The following SPACA9 variants were observed in gnomAD, a reference collection of about 807,000 sequenced individuals.
SPACA9 encodes sperm acrosome associated 9.
Under a neutral mutation model 12.5 loss-of-function variants are expected in SPACA9, and 14 were observed. The ratio of observed to expected loss-of-function variants is 1.12; its 90% CI spans 0.74 to 1.75. The LOEUF (loss-of-function observed/expected upper bound fraction) is 1.75, where lower values mean the gene tolerates loss of function less well. Ranked by LOEUF, SPACA9 falls within the 40% of genes most tolerant of loss-of-function variation. SPACA9 has a pLI of 0.00. For synonymous variants in SPACA9, 111 were observed against 114.1 expected (o/e 0.97, Z 0.17); for missense variants, 292 against 291.9 (o/e 1.00, Z 0.00).
Position 132,887,649 on chromosome 9 carries a change from C to T in SPACA9, c.347+78C>T, listed in dbSNP as rs928479131. The T allele has an allele frequency of 1.5e-6, 2 of 1,310,650 alleles. No homozygotes were observed. The highest frequency in any genetic ancestry group is 2.2e-6 in the Non-Finnish European group (2 of 917,142). The allele number at this position is 1,310,650 out of a possible 1,614,324, so 81.2% of individuals were successfully genotyped here. A position where few individuals can be genotyped will look rare whatever the true frequency, so the allele number is the denominator to read the frequency against. On this transcript the variant is annotated intron_variant, in intron 3 of 3. Transcript: ENST00000356311. The surrounding 1 kb of genome is among the most constrained non-coding windows in gnomAD (Gnocchi z 5.4). ...CTCTGTCCTGCTTCTTTCCTGTTGCCTGGATCATGGTGCTCCTATTAGACC... is the reference window on the plus strand; with the variant it reads ...CTCTGTCCTGCTTCTTTCCTGTTGCTTGGATCATGGTGCTCCTATTAGACC...
chr9:132,879,793 G>T lies in SPACA9; in HGVS notation c.-38+779G>T, dbSNP rs569419838. On this transcript the variant is annotated intron_variant, in intron 1 of 3. Coordinates refer to ENST00000356311, the MANE Select transcript of SPACA9 (RefSeq NM_001316897.2). ...CTAATCCAAACTCTCTCATTTGACA[G>T]ATGGATAAACTGAGGCCCAGAAAAG... 4.2e-4 allele frequency among the ~76,000 whole-genome samples: 64 copies of T among 152,360 alleles called. 1 individual carries two copies. The Middle Eastern group carries it at 0.01, about 24-fold the overall frequency.
chr9:132,884,152 G>T, intron 2 of SPACA9, 61 bp downstream of exon 2: 1 of 1,573,846 alleles, frequency 6.4e-7, no homozygotes, highest in Non-Finnish European at 8.7e-7. Context: ...TCTCACAAAA[G>T]ATGAAACCAC....
intron 1 of SPACA9, among the ~76,000 whole-genome samples, chr9:132,882,499 G>A (rs368908660): frequency 7.3e-6 from 1 of 136,136 alleles, no homozygotes; most frequent in Non-Finnish European, 1.5e-5. Context: ...GTCTCCCTGT[G>A]TCCTAGGCTG....
At chr9:132,886,017 C>A (rs541074946) in intron 2 of SPACA9, among the ~76,000 whole-genome samples, 1 of 152,356 alleles carries the variant, frequency 6.6e-6, no homozygotes, top group African/African-American at 2.4e-5. Flanking sequence ...AGCCTCTCCC[C>A]CTTACGAAGC....
upstream of SPACA9, chr9:132,878,620 C>T (rs1844270290): frequency 1.9e-6 from 2 of 1,064,132 alleles, no homozygotes; most frequent in Middle Eastern, 4.2e-4. The surrounding 1 kb of genome is among the most constrained non-coding windows in gnomAD (Gnocchi z 4.7). Flanking sequence ...CAGTGCTCCC[C>T]GGCCCGGCTC....
At chr9:132,878,434 C>T (rs1359877763), upstream of SPACA9, 2 of 1,230,814 alleles carry the variant, frequency 1.6e-6, no homozygotes, top group South Asian at 4.2e-5. This position sits in a 1 kb window ranked among gnomAD's most constrained non-coding sequence, Gnocchi z 4.7. Context: ...CTCTGCGGCT[C>T]GGGCAAGTTC....
chr9:132,887,888 AGCC>A lies in SPACA9; in HGVS notation c.347+321_347+323del, dbSNP rs1844614345. On this transcript the variant is annotated intron_variant, in intron 3 of 3. Transcript: ENST00000356311. This position sits in a 1 kb window ranked among gnomAD's most constrained non-coding sequence, Gnocchi z 5.4. Reference sequence around the variant, plus strand: ...TGACATGCAAAGAAGTGGACACCAGAGCCGCCTCCCAGGGGCAGCAGCACTGGC... The same window carrying A: ...TGACATGCAAAGAAGTGGACACCAGAGCCTCCCAGGGGCAGCAGCACTGGC... Among the ~76,000 whole-genome samples the A allele has an allele frequency of 1.3e-5, 2 of 152,064 alleles. No individual in the cohort carries two copies. Among genetic ancestry groups the A allele is most frequent in the Admixed American group, 1.3e-4 (2 of 15,276 alleles).
rs1261316448 is a variant in SPACA9, at chr9:132,888,583, C to T, written c.641C>T (p.Pro214Leu). The T allele has an allele frequency of 6.5e-7, 1 of 1,539,630 alleles. No homozygotes were observed. Among genetic ancestry groups the T allele is most frequent in the South Asian group, 1.2e-5 (1 of 83,354 alleles). ...SLKPRGCSKP[P>L]WRPPGGKL Reference sequence around the variant, plus strand: ...AAACCCAGGGGATGTTCAAAACCACCCTGGAGGCCTCCTGGTGGGAAATTG... The same window carrying T: ...AAACCCAGGGGATGTTCAAAACCACTCTGGAGGCCTCCTGGTGGGAAATTG... The change falls in exon 4 of 4, where the codon CCC becomes CTC. Residue 214 changes from proline (P) to leucine (L), a missense_variant. By Grantham distance (98) the Pro-to-Leu change is moderately conservative. Transcript: ENST00000356311. The surrounding 1 kb of genome is among the most constrained non-coding windows in gnomAD (Gnocchi z 5.0).
rs555310723 is a variant in SPACA9 at position 132,887,259 on chromosome 9, G to A, written c.145-110G>A. The stretch of plus-strand genomic sequence containing the variant: ...AGCGTTACTTGCGTCTCCCCCATGA[G>A]TCATGTAGGGTGGGAGGGAGTAGGG... On this transcript the variant is annotated intron_variant, in intron 2 of 3. Transcript: ENST00000356311. The surrounding 1 kb of genome is among the most constrained non-coding windows in gnomAD (Gnocchi z 5.4). 4.5e-4 allele frequency: 401 copies of A among 896,060 alleles called. 3 individuals are homozygous for A. In the East Asian group the frequency reaches 5.1e-3, roughly 11 times the overall value. 55.5% of individuals were successfully genotyped at this position (896,060 alleles called of 1,614,324 possible).
rs1321385154 is a variant in SPACA9, at chr9:132,888,410, G to T, written c.468G>T (p.Glu156Asp). ...TGAAAGAATGGATCGCCCACTCCGA[G>T]AAGTTGCCGCGCAAGGTGCTGCAGC... The part of the protein sequence containing the change: ...DLMKEWIAHS[E>D]KLPRKVLQHV... Residue 156 changes from glutamate to aspartate, a missense_variant, in exon 4 of 4, where the codon GAG becomes GAT. Physicochemically the swap from Glu to Asp is conservative, Grantham distance 45. Transcript: ENST00000356311. The surrounding 1 kb of genome is among the most constrained non-coding windows in gnomAD (Gnocchi z 5.0). 5 of 1,613,878 alleles carry T rather than the reference G, an allele frequency of 3.1e-6. No homozygotes were observed. In the African/African-American group the frequency reaches 6.7e-5, roughly 22 times the overall value.
intron 1 of SPACA9, among the ~76,000 whole-genome samples, chr9:132,883,072 A>G (rs1844469359): frequency 1.3e-5 from 2 of 152,154 alleles, no homozygotes; most frequent in South Asian, 4.1e-4. Context: ...ACACACCCAC[A>G]GACTTTTCTG....
At chr9:132,879,214 C>T (rs1334926784) in intron 1 of SPACA9, among the ~76,000 whole-genome samples, 200 bp downstream of exon 1, 2 of 152,180 alleles carry the variant, frequency 1.3e-5, no homozygotes, top group South Asian at 2.1e-4. Flanking sequence ...CCCAGTGGTA[C>T]GGGGCAGCTT....
chr9:132,886,230 C>T (rs933869640), intron 2 of SPACA9, among the ~76,000 whole-genome samples: 1 of 152,238 alleles, frequency 6.6e-6, no homozygotes, highest in Admixed American at 6.5e-5. Flanking sequence ...GTCTGTTCAT[C>T]TGGCCTGGAC....
At chr9:132,878,390 G>C, upstream of SPACA9, 1 of 1,244,268 alleles carries the variant, frequency 8.0e-7, no homozygotes, top group South Asian at 3.9e-5. The surrounding 1 kb of genome is among the most constrained non-coding windows in gnomAD (Gnocchi z 4.7). Context: ...CGGTCGCGCG[G>C]GTCGCCCCCG....
chr9:132,888,278 G>A lies in SPACA9; in HGVS notation c.348-12G>A, dbSNP rs762635545. 4 of 1,588,470 alleles carry A rather than the reference G, an allele frequency of 2.5e-6. No homozygotes were observed. The Admixed American group carries it at 6.9e-5, about 27-fold the overall frequency. On this transcript the variant is annotated splice_polypyrimidine_tract_variant and intron_variant, in intron 3 of 3. Transcript: ENST00000356311. This position sits in a 1 kb window ranked among gnomAD's most constrained non-coding sequence, Gnocchi z 5.0. Reference sequence around the variant, plus strand: ...GGAGCATGGGTTCACCTGGCCCCCTGCCGTCCTGCAGATACCCTCATGATG... The same window carrying A: ...GGAGCATGGGTTCACCTGGCCCCCTACCGTCCTGCAGATACCCTCATGATG...
rs1844593750 is a variant in SPACA9, at chr9:132,887,294, C to G, written c.145-75C>G. 2 of 1,363,352 alleles carry G rather than the reference C, an allele frequency of 1.5e-6. No homozygotes were observed. The highest frequency in any genetic ancestry group is 1.7e-5 in the Admixed American group (1 of 59,160). The allele number at this position is 1,363,352 out of a possible 1,614,324, so 84.5% of individuals were successfully genotyped here. A position where few individuals can be genotyped will look rare whatever the true frequency, so the allele number is the denominator to read the frequency against. On this transcript the variant is annotated intron_variant, in intron 2 of 3. Coordinates refer to ENST00000356311, the MANE Select transcript of SPACA9 (RefSeq NM_001316897.2). The surrounding 1 kb of genome is among the most constrained non-coding windows in gnomAD (Gnocchi z 5.4). The stretch of plus-strand genomic sequence containing the variant: ...GTGGGAGGGAGTAGGGTGGGTGCTT[C>G]TGGACATTTGCACCATAAGCCAGCC...
chr9:132,880,188 T>C (rs965170861), intron 1 of SPACA9, among the ~76,000 whole-genome samples: 3 of 152,198 alleles, frequency 2.0e-5, no homozygotes, highest in African/African-American at 7.2e-5. Context: ...TTTCCTACCA[T>C]GATTCAATCT....
rs557033013 is a variant in SPACA9 at position 132,881,925 on chromosome 9, G to A, written c.-37-1986G>A. 2.2e-4 allele frequency among the ~76,000 whole-genome samples: 33 copies of A among 152,278 alleles called. No individual in the cohort carries two copies. In the South Asian group the frequency reaches 6.4e-3, roughly 30 times the overall value. ...CACCCTAGTTGGTCCTGGGTGAGCC[G>A]GACACCACGGGAGGCACAACAGGAA... is the stretch of plus-strand genomic sequence containing the variant. On this transcript the variant is annotated intron_variant, in intron 1 of 3. Coordinates refer to ENST00000356311, the MANE Select transcript of SPACA9 (RefSeq NM_001316897.2).
intron 1 of SPACA9, among the ~76,000 whole-genome samples, chr9:132,879,361 G>C (rs1249516987): frequency 1.3e-5 from 2 of 152,150 alleles, no homozygotes; most frequent in Non-Finnish European, 2.9e-5. Flanking sequence ...TATGGAGAGG[G>C]AAAATGGCAC....
Sources: gnomAD v4.1 joint callset for allele counts (sites outside exome capture counted in the v4.1 genomes callset) on GRCh38, gnomAD v4.1.1 for gene constraint, Gnocchi (gnomAD v3.1) non-coding constraint, MANE v1.5 for transcripts, NCBI Gene and HGNC (gene_info 2026-07-23, HGNC 2026-07-21) for gene names.